Variants in RBFOX1 observed in about 807,000 individuals in gnomAD.
RBFOX1 encodes the protein RNA binding fox-1 homolog 1, also known as RNA binding protein fox-1 homolog 1.
Under a neutral mutation model 57.7 loss-of-function variants are expected in RBFOX1, and 8 were observed. That is an observed-to-expected ratio of 0.14 (90% CI 0.08 to 0.25). RBFOX1 has a LOEUF of 0.25. Among genes scored for constraint, RBFOX1 ranks in the 10% least tolerant of loss-of-function variants. The pLI is 1.00. For missense variants in RBFOX1, 611 were observed against 548.5 expected (o/e 1.11, Z -1.14); for synonymous variants, 326 against 222.4 (o/e 1.47, Z -4.15).
intron 3 of RBFOX1, among the ~76,000 whole-genome samples, chr16:7,037,228 C>CTTTTTTTTT (rs889539532): frequency 1.2e-5 from 1 of 80,524 alleles, no homozygotes; most frequent in Non-Finnish European, 2.2e-5. Flanking sequence ...GTCTTAGCCT[C>CTTTTTTTTT]TTTTTTTTTT....
In RBFOX1 at chr16:7,518,301, A is replaced by C. The variant is rs1037124321; in HGVS notation, c.182A>C (p.His61Pro). The C allele has an allele frequency of 3.7e-6, 6 of 1,614,110 alleles. No homozygotes were observed. The Admixed American group carries it at 8.3e-5, about 22-fold the overall frequency. Residue 61 changes from histidine to proline, a missense_variant, in exon 5 of 16, where the codon CAC (histidine) becomes CCC (proline). By Grantham distance (77) the His-to-Pro change is moderately conservative (BLOSUM62 -2). Coordinates refer to ENST00000550418, the MANE Select transcript of RBFOX1 (RefSeq NM_018723.4). Reference sequence around the variant, plus strand: ...ACAGGCCAGACCACGGTTCCCGAGCACACATTAAACCTGTACCCTCCCGCC... The same window carrying C: ...ACAGGCCAGACCACGGTTCCCGAGCCCACATTAAACCTGTACCCTCCCGCC... The part of the protein sequence containing the change: ...EYTGQTTVPE[H>P]TLNLYPPAQT...
At chr16:5,270,383 C>G in intron 1 of RBFOX1, 2 of 1,283,076 alleles carry the variant, frequency 1.6e-6, no homozygotes, top group South Asian at 1.2e-5. Flanking sequence ...TGAAGTGAGT[C>G]TTGCTGATGT....
At chr16:6,686,282 C>T (rs1603415159) in intron 3 of RBFOX1, among the ~76,000 whole-genome samples, 2 of 152,162 alleles carry the variant, frequency 1.3e-5, no homozygotes, top group Non-Finnish European at 2.9e-5. Flanking sequence ...CAATCGAAGG[C>T]GTCTTTCTTC....
At chr16:6,422,319 T>A (rs1318017923) in intron 2 of RBFOX1, among the ~76,000 whole-genome samples, 1 of 151,632 alleles carries the variant, frequency 6.6e-6, no homozygotes, top group Non-Finnish European at 1.5e-5. Flanking sequence ...GATACTGAGG[T>A]TCGGGGTGTG....
At chr16:5,542,452 T>A (rs1048565409) in intron 2 of RBFOX1, among the ~76,000 whole-genome samples, 12 of 145,716 alleles carry the variant, frequency 8.2e-5, no homozygotes, top group Non-Finnish European at 1.8e-4. Context: ...AGAGATGGGG[T>A]TTCACCATAT....
chr16:7,295,177 T>A (rs1335745682), intron 4 of RBFOX1, among the ~76,000 whole-genome samples: 1 of 152,180 alleles, frequency 6.6e-6, no homozygotes, highest in East Asian at 1.9e-4. Context: ...TTTGATTCAT[T>A]AGCAAGGTTA....
chr16:6,644,803 C>T (rs1036680981), intron 2 of RBFOX1, among the ~76,000 whole-genome samples: 9 of 152,244 alleles, frequency 5.9e-5, no homozygotes, highest in Admixed American at 4.6e-4. Flanking sequence ...TTTTTCTTGT[C>T]CCCTAGAGCT....
At chr16:6,818,597 C>G (rs994913906) in intron 3 of RBFOX1, among the ~76,000 whole-genome samples, 6 of 152,126 alleles carry the variant, frequency 3.9e-5, no homozygotes, top group African/African-American at 1.2e-4. Context: ...CTCATTTAAC[C>G]TCTAGTAGGG....
intron 4 of RBFOX1, among the ~76,000 whole-genome samples, chr16:7,461,421 C>T (rs935008959): frequency 7.9e-5 from 12 of 152,126 alleles, no homozygotes; most frequent in African/African-American, 2.7e-4. Flanking sequence ...TCACCTTAGC[C>T]TCCCAAAGTG....
intron 4 of RBFOX1, among the ~76,000 whole-genome samples, chr16:7,368,434 T>C (rs972482617): frequency 6.6e-6 from 1 of 151,980 alleles, no homozygotes; most frequent in African/African-American, 2.4e-5. Context: ...TTTATATGCT[T>C]AAAAAGTTTT....
At chr16:7,202,144 G>T (rs2152727733) in intron 4 of RBFOX1, among the ~76,000 whole-genome samples, 1 of 151,772 alleles carries the variant, frequency 6.6e-6, no homozygotes, top group South Asian at 2.1e-4. Flanking sequence ...TGATTAAAAT[G>T]GTTAAAGGAC....
At chr16:5,565,630 A>AAATG (rs202189630) in intron 2 of RBFOX1, among the ~76,000 whole-genome samples, 7 of 64,902 alleles carry the variant, frequency 1.1e-4, no homozygotes, top group Admixed American at 9.2e-4. Context: ...TGCCTTACAT[A>AAATG]AATAAATAAA....
chr16:6,362,696 G>A (rs1434236987), intron 2 of RBFOX1, among the ~76,000 whole-genome samples: 1 of 152,194 alleles, frequency 6.6e-6, no homozygotes, highest in Admixed American at 6.5e-5. Context: ...TCTAGCTTGG[G>A]TCATTGGTAA....
At chr16:5,802,493 C>T (rs1375626520) in intron 3 of RBFOX1, among the ~76,000 whole-genome samples, 1 of 152,116 alleles carries the variant, frequency 6.6e-6, no homozygotes, top group Non-Finnish European at 1.5e-5. Flanking sequence ...TTGGCCCTTC[C>T]CTCATCCCAT....
chr16:6,674,265 G>A (rs950000518), intron 3 of RBFOX1, among the ~76,000 whole-genome samples: 6 of 152,050 alleles, frequency 3.9e-5, no homozygotes, highest in African/African-American at 1.4e-4. Flanking sequence ...TTAAAATGAC[G>A]TCATCCTGGA....
At chr16:7,016,254 C>G (rs1466630746) in intron 3 of RBFOX1, among the ~76,000 whole-genome samples, 1 of 152,102 alleles carries the variant, frequency 6.6e-6, no homozygotes, top group African/African-American at 2.4e-5. Flanking sequence ...CGGGACCTGC[C>G]TCATCCCCAA....
chr16:5,634,364 G>A (rs1189824986), intron 3 of RBFOX1, among the ~76,000 whole-genome samples: 3 of 152,214 alleles, frequency 2.0e-5, no homozygotes, highest in Non-Finnish European at 2.9e-5. Flanking sequence ...GTGATAAAAA[G>A]CAGTGGTCTC....
At chr16:5,270,709 G>T in intron 1 of RBFOX1, 2 of 499,880 alleles carry the variant, frequency 4.0e-6, no homozygotes, top group South Asian at 3.6e-5. Flanking sequence ...GCAGACAAAT[G>T]ACTTGAAAGA....
At chr16:5,573,061 G>A (rs775645013) in intron 2 of RBFOX1, among the ~76,000 whole-genome samples, 1 of 152,176 alleles carries the variant, frequency 6.6e-6, no homozygotes, top group Non-Finnish European at 1.5e-5. Context: ...AGGACATTTA[G>A]GCAGTTGTCG....
Sources: gnomAD v4.1 joint callset for allele counts (sites outside exome capture counted in the v4.1 genomes callset) on GRCh38, gnomAD v4.1.1 for gene constraint, MANE v1.5 for transcripts, NCBI Gene and HGNC (gene_info 2026-07-23, HGNC 2026-07-21) for gene names.